The following CSMD1 variants were observed in gnomAD, a reference collection of about 807,000 sequenced individuals.
The protein encoded by CSMD1 is CUB and Sushi multiple domains 1.
Under a neutral mutation model 417.5 loss-of-function variants are expected in CSMD1, and 213 were observed. The observed-to-expected ratio is 0.51, with a 90% CI of 0.46 to 0.57. The LOEUF (loss-of-function observed/expected upper bound fraction) is 0.57, where lower values mean the gene tolerates loss of function less well. Among genes scored for constraint, CSMD1 ranks in the 20% least tolerant of loss-of-function variants. CSMD1 has a pLI of 0.00. For synonymous variants in CSMD1, 2,862 were observed against 1,736.8 expected (o/e 1.65, Z -16.11); for missense variants, 6,923 against 4,529.7 (o/e 1.53, Z -15.17).
At chr8:4,527,188 T>C (rs187182494) in intron 2 of CSMD1, among the ~76,000 whole-genome samples, 4 of 152,332 alleles carry the variant, frequency 2.6e-5, no homozygotes, top group Admixed American at 1.3e-4. Context: ...TCCTAGATGC[T>C]TCCCAAATCA....
intron 11 of CSMD1, among the ~76,000 whole-genome samples, chr8:3,482,960 A>G (rs1036040115): frequency 6.6e-6 from 1 of 152,168 alleles, no homozygotes; most frequent in African/African-American, 2.4e-5. Flanking sequence ...ATATAAAAAT[A>G]TGTGGGAAGC....
At chr8:3,744,479 A>T (rs895658730) in intron 6 of CSMD1, among the ~76,000 whole-genome samples, 3 of 135,838 alleles carry the variant, frequency 2.2e-5, no homozygotes, top group Middle Eastern at 3.6e-3. Flanking sequence ...AGGACTTCTA[A>T]ACTTTTTGGA....
intron 51 of CSMD1, among the ~76,000 whole-genome samples, chr8:3,025,765 A>C (rs948167227): frequency 2.6e-5 from 4 of 152,202 alleles, no homozygotes; most frequent in Non-Finnish European, 5.9e-5. Flanking sequence ...CTTCACATTA[A>C]TTTTTGCTTT....
intron 12 of CSMD1, among the ~76,000 whole-genome samples, chr8:3,453,026 T>A (rs765892763): frequency 1.3e-5 from 2 of 152,236 alleles, no homozygotes; most frequent in Non-Finnish European, 2.9e-5. Flanking sequence ...AGATTCAACT[T>A]CTTCCTGGTT....
chr8:4,435,020 TAAG>T (rs1177716045), intron 2 of CSMD1, among the ~76,000 whole-genome samples: 3 of 152,190 alleles, frequency 2.0e-5, no homozygotes, highest in African/African-American at 7.2e-5. Flanking sequence ...TGGAGACATT[TAAG>T]AAGCCAATAC....
At chr8:4,929,452 T>C (rs1027637152) in intron 1 of CSMD1, among the ~76,000 whole-genome samples, 22 of 152,176 alleles carry the variant, frequency 1.4e-4, no homozygotes, top group Non-Finnish European at 2.9e-4. Flanking sequence ...TTCACAAAGA[T>C]ATATCTAACT....
intron 1 of CSMD1, among the ~76,000 whole-genome samples, chr8:4,777,840 A>G (rs895959873): frequency 1.3e-5 from 2 of 152,196 alleles, no homozygotes; most frequent in African/African-American, 4.8e-5. Context: ...ACAAATCTCA[A>G]CTAACGGCAA....
intron 1 of CSMD1, among the ~76,000 whole-genome samples, chr8:4,749,180 G>A: frequency 6.6e-6 from 1 of 152,184 alleles, no homozygotes; most frequent in East Asian, 1.9e-4. Context: ...TCTATTGATT[G>A]ATATGGATTA....
chr8:4,622,443 G>A (rs1017581957), intron 2 of CSMD1, among the ~76,000 whole-genome samples: 6 of 152,080 alleles, frequency 3.9e-5, no homozygotes, highest in Admixed American at 3.9e-4. Context: ...GGAGATGATT[G>A]TCACTGGATA....
chr8:3,408,147 A>T lies in CSMD1; in HGVS notation c.1823T>A (p.Met608Lys), dbSNP rs905900921. The T allele has an allele frequency of 8.1e-6, 13 of 1,613,446 alleles. No homozygotes were observed. The highest frequency in any genetic ancestry group is 1.1e-5 in the Non-Finnish European group (13 of 1,179,614). Residue 608 changes from methionine (M) to lysine (K), a missense_variant, in exon 14 of 70, where the codon ATG becomes AAG. Coordinates refer to ENST00000635120, the MANE Select transcript of CSMD1 (RefSeq NM_033225.6). ...CGAGATAATCAACCAGACACAGTTCATGTTGTTCCCATATTCCTCTGGATA... is the reference window on the plus strand; with the variant it reads ...CGAGATAATCAACCAGACACAGTTCTTGTTGTTCCCATATTCCTCTGGATA... ...PNYPEEYGNNMNCVWLIISEP... is the reference protein window; with the variant it reads ...PNYPEEYGNNKNCVWLIISEP...
chr8:3,917,816 T>TTG (rs1402040023), intron 5 of CSMD1, among the ~76,000 whole-genome samples: 2 of 152,140 alleles, frequency 1.3e-5, no homozygotes, highest in Non-Finnish European at 2.9e-5. Flanking sequence ...GCAATATTAG[T>TTG]TGTGTGTATG....
intron 5 of CSMD1, among the ~76,000 whole-genome samples, chr8:3,991,281 G>A (rs77134483): frequency 6.6e-6 from 1 of 152,298 alleles, no homozygotes; most frequent in East Asian, 1.9e-4. Flanking sequence ...AAAGAAGTTC[G>A]CATTATTTGC....
At chr8:3,825,657 G>A (rs1802016510) in intron 5 of CSMD1, among the ~76,000 whole-genome samples, 1 of 152,090 alleles carries the variant, frequency 6.6e-6, no homozygotes, top group African/African-American at 2.4e-5. Flanking sequence ...ATGCGACTGA[G>A]GCCAAGTTTT....
At chr8:4,822,351 G>T (rs895388938) in intron 1 of CSMD1, among the ~76,000 whole-genome samples, 20 of 152,054 alleles carry the variant, frequency 1.3e-4, no homozygotes, top group African/African-American at 3.9e-4. Context: ...TGTTTAGAGA[G>T]GACAAAAATG....
intron 1 of CSMD1, among the ~76,000 whole-genome samples, chr8:4,872,578 A>T (rs902814091): frequency 1.3e-5 from 2 of 152,096 alleles, no homozygotes; most frequent in African/African-American, 4.8e-5. Context: ...TGAGTCAATT[A>T]AAACACTTTC....
At chr8:3,489,624 T>C (rs772362344) in intron 11 of CSMD1, among the ~76,000 whole-genome samples, 2 of 152,192 alleles carry the variant, frequency 1.3e-5, no homozygotes, top group Non-Finnish European at 2.9e-5. Flanking sequence ...CCCAAGTTCC[T>C]TCAACCACCT....
intron 3 of CSMD1, among the ~76,000 whole-genome samples, chr8:4,197,282 G>A (rs185970366): frequency 6.6e-6 from 1 of 152,162 alleles, no homozygotes; most frequent in African/African-American, 2.4e-5. Context: ...GAAGTATTAG[G>A]CATTAAGTAT....
chr8:4,495,533 C>A (rs1801938484), intron 2 of CSMD1, among the ~76,000 whole-genome samples: 1 of 151,950 alleles, frequency 6.6e-6, no homozygotes, highest in African/African-American at 2.4e-5. Flanking sequence ...CAGTATCTCG[C>A]CACTGCACTC....
At chr8:4,341,090 G>A (rs978397962) in intron 3 of CSMD1, among the ~76,000 whole-genome samples, 10 of 152,052 alleles carry the variant, frequency 6.6e-5, no homozygotes, top group Admixed American at 3.3e-4. Context: ...AATAGTGAGA[G>A]AATAGAGATA....
Sources: allele counts gnomAD v4.1 joint callset (sites outside exome capture counted in the v4.1 genomes callset), GRCh38; gene constraint gnomAD v4.1.1; transcripts MANE v1.5; gene names NCBI Gene and HGNC (gene_info 2026-07-23, HGNC 2026-07-21).